Variants in COMMD9 observed in about 807,000 individuals in gnomAD.
COMMD9 encodes COMM domain containing 9, also known as COMM domain-containing protein 9.
COMMD9 carries 22 observed loss-of-function variants against 23.4 expected under a neutral mutation model. The observed-to-expected ratio is 0.94, with a 90% confidence interval of 0.67 to 1.34. The LOEUF (loss-of-function observed/expected upper bound fraction) is 1.34. Among genes scored for constraint, COMMD9 ranks in the 40% most tolerant of loss-of-function variants. The pLI, the probability that COMMD9 is intolerant of heterozygous loss-of-function variation, is 0.00. For missense variants in COMMD9, 231 were observed against 240.2 expected (o/e 0.96, Z 0.25); for synonymous variants, 99 against 97.4 (o/e 1.02, Z -0.10).
intron 1 of COMMD9, among the ~76,000 whole-genome samples, chr11:36,288,944 G>T (rs760281846): frequency 3.3e-5 from 5 of 152,092 alleles, no homozygotes; most frequent in Non-Finnish European, 5.9e-5. Context: ...GACCTCAAGG[G>T]AACATTGAAC....
chr11:36,280,042 G>T (rs1309947602), intron 2 of COMMD9, among the ~76,000 whole-genome samples: 1 of 152,156 alleles, frequency 6.6e-6, no homozygotes, highest in Admixed American at 6.6e-5. Flanking sequence ...GGGCATCGAG[G>T]CTGCAGTGAG....
chr11:36,287,954 A>G (rs1050884107), intron 1 of COMMD9, among the ~76,000 whole-genome samples: 2 of 152,166 alleles, frequency 1.3e-5, no homozygotes, highest in African/African-American at 4.8e-5. Flanking sequence ...CTGTATGTAT[A>G]CTACACACTA....
intron 1 of COMMD9, among the ~76,000 whole-genome samples, chr11:36,285,672 T>G (rs915629489): frequency 1.3e-5 from 2 of 151,934 alleles, no homozygotes; most frequent in Non-Finnish European, 2.9e-5. Context: ...TATTAGCAAA[T>G]AGAGACATAT....
chr11:36,276,532 G>C (rs999938758), intron 4 of COMMD9: 10 of 341,484 alleles, frequency 2.9e-5, no homozygotes, highest in Non-Finnish European at 5.4e-5. Flanking sequence ...ATAAAGCAGA[G>C]AAGAAATCAT....
At chr11:36,282,489 C>A in intron 1 of COMMD9, among the ~76,000 whole-genome samples, 1 of 151,436 alleles carries the variant, frequency 6.6e-6, no homozygotes, top group Non-Finnish European at 1.5e-5. Flanking sequence ...AAAGAAGTGA[C>A]AATATTTTTC....
At chr11:36,278,644 C>T in intron 2 of COMMD9, 28 bp from the exon 3 acceptor site, 1 of 1,608,658 alleles carries the variant, frequency 6.2e-7, no homozygotes, top group Non-Finnish European at 8.5e-7. Flanking sequence ...CCACCTGTAG[C>T]TGTAACAGAA....
chr11:36,277,883 C>T (rs1435523014), intron 3 of COMMD9, among the ~76,000 whole-genome samples: 1 of 152,154 alleles, frequency 6.6e-6, no homozygotes, highest in Non-Finnish European at 1.5e-5. Context: ...GAGGGGTACA[C>T]TTGTATCCTA....
At chr11:36,278,280 C>A (rs977316515) in intron 3 of COMMD9, 197 bp downstream of exon 3, 11 of 517,896 alleles carry the variant, frequency 2.1e-5, no homozygotes, top group East Asian at 7.1e-5. Flanking sequence ...AAAAAAAAAA[C>A]ATGTTTTAAA....
intron 1 of COMMD9, among the ~76,000 whole-genome samples, chr11:36,286,395 C>CAAAAAAAAAAAAAA (rs138463305): frequency 9.4e-4 from 72 of 76,754 alleles, no homozygotes; most frequent in South Asian, 1.6e-3. Context: ...ACTAAAAATA[C>CAAAAAAAAAAAAAA]AAAAAAAAAA....
chr11:36,280,861 A>C, intron 1 of COMMD9, 24 bp from the exon 2 acceptor site: 1 of 1,011,352 alleles, frequency 9.9e-7, no homozygotes, highest in Non-Finnish European at 1.3e-6. Flanking sequence ...CACAGATAGG[A>C]AAAAAAAAAA....
intron 2 of COMMD9, among the ~76,000 whole-genome samples, chr11:36,279,914 T>C (rs1052211516): frequency 6.6e-6 from 1 of 152,128 alleles, no homozygotes; most frequent in African/African-American, 2.4e-5. Context: ...AAGACCAGCC[T>C]GGGCAACATG....
At chr11:36,278,238 A>G in intron 3 of COMMD9, 1 of 419,972 alleles carries the variant, frequency 2.4e-6, no homozygotes, top group Non-Finnish European at 4.2e-6. Context: ...AACAAAAACA[A>G]AACATCAACC....
At chr11:36,283,842 G>A (rs1393397089) in intron 1 of COMMD9, among the ~76,000 whole-genome samples, 2 of 152,108 alleles carry the variant, frequency 1.3e-5, no homozygotes, top group African/African-American at 4.8e-5. Flanking sequence ...TGGTGGCTCA[G>A]GCTTGTAATC....
intron 2 of COMMD9, among the ~76,000 whole-genome samples, chr11:36,279,167 C>A (rs1276351878): frequency 6.6e-6 from 1 of 152,130 alleles, no homozygotes; most frequent in South Asian, 2.1e-4. Context: ...GGTCTTGAAT[C>A]CAGGGTGGTA....
chr11:36,276,334 A>G, intron 4 of COMMD9, 94 bp from the exon 5 acceptor site: 1 of 808,348 alleles, frequency 1.2e-6, no homozygotes. Context: ...GCACACATGC[A>G]ATGCATTGGT....
intron 1 of COMMD9, among the ~76,000 whole-genome samples, chr11:36,281,351 T>C (rs1223230918): frequency 6.6e-6 from 1 of 152,160 alleles, no homozygotes; most frequent in African/African-American, 2.4e-5. Flanking sequence ...CCCACCTCTA[T>C]GTCAACAAAG....
chr11:36,288,693 C>T (rs1483743963), intron 1 of COMMD9, among the ~76,000 whole-genome samples: 1 of 151,996 alleles, frequency 6.6e-6, no homozygotes, highest in African/African-American at 2.4e-5. Flanking sequence ...CCCAGCTACT[C>T]GGAAGGCTGA....
chr11:36,286,410 A>AAAAAAAAAAAAAAAAAAG (rs1285648187), intron 1 of COMMD9, among the ~76,000 whole-genome samples: 6 of 104,818 alleles, frequency 5.7e-5, no homozygotes, highest in Admixed American at 1.1e-4. Context: ...AAAAAAAAAA[A>AAAAAAAAAAAAAAAAAAG]AAAGAAAGAA....
chr11:36,276,433 G>A, intron 4 of COMMD9, 193 bp from the exon 5 acceptor site: 1 of 536,350 alleles, frequency 1.9e-6, no homozygotes, highest in African/African-American at 1.9e-5. Flanking sequence ...TGTGCTGCCT[G>A]CACTTGGTAC....
Sources: gnomAD v4.1 joint callset for allele counts (sites outside exome capture counted in the v4.1 genomes callset) on GRCh38, gnomAD v4.1.1 for gene constraint, MANE v1.5 for transcripts, NCBI Gene and HGNC (gene_info 2026-07-23, HGNC 2026-07-21) for gene names.